MAML3: variants seen among roughly 807,000 people sequenced by gnomAD.
The protein encoded by MAML3 is mastermind-like protein 3.
Under a neutral mutation model 101.9 loss-of-function variants are expected in MAML3, and 27 were observed. That is an observed-to-expected ratio of 0.27 (90% CI 0.20 to 0.37). The LOEUF (loss-of-function observed/expected upper bound fraction) is 0.37. MAML3 is among the 10% of genes least tolerant of loss of function. The probability of loss-of-function intolerance (pLI) is 1.00; values close to 1 mark genes in which losing one functional copy is unlikely to be tolerated. For missense variants in MAML3, 1,316 were observed against 1,444.9 expected (o/e 0.91, Z 1.45); for synonymous variants, 501 against 555.9 (o/e 0.90, Z 1.39).
chr4:140,101,866 T>TA (rs1301395029), intron 1 of MAML3, among the ~76,000 whole-genome samples: 15 of 151,752 alleles, frequency 9.9e-5, no homozygotes, highest in African/African-American at 3.4e-4. Context: ...TTTTTTTTTT[T>TA]ACATTTGCCA....
In MAML3 at chr4:139,719,986, G is replaced by A; in HGVS notation, c.2754C>T (p.Ser918=). The change falls in exon 5 of 5, where the codon AGC becomes AGT. Residue 918 remains serine (S), a synonymous_variant. Transcript: ENST00000509479. ...GVGMVSGFGQ[S]MLVNSAITQQ... is the part of the protein sequence containing the mutation. ...GGGTAATGGCTGAGTTCACCAGCAT[G>A]CTCTGACCAAAGCCACTCACCATTC... The A allele has an allele frequency of 6.2e-7, 1 of 1,614,094 alleles. No individual in the cohort carries two copies. Among genetic ancestry groups the A allele is most frequent in the Non-Finnish European group, 8.5e-7 (1 of 1,179,908 alleles).
intron 1 of MAML3, among the ~76,000 whole-genome samples, chr4:140,102,359 T>C (rs1728268389): frequency 6.6e-6 from 1 of 152,214 alleles, no homozygotes; most frequent in South Asian, 2.1e-4. Flanking sequence ...CAGGGTGGCT[T>C]GAACAACAGA....
intron 1 of MAML3, among the ~76,000 whole-genome samples, chr4:140,003,358 C>T (rs1466443866): frequency 1.3e-5 from 2 of 151,976 alleles, no homozygotes; most frequent in African/African-American, 2.4e-5. Flanking sequence ...GAGAAAAGTA[C>T]CTAGTAAAAG....
At chr4:139,979,529 A>T (rs537666422) in intron 1 of MAML3, among the ~76,000 whole-genome samples, 2 of 152,338 alleles carry the variant, frequency 1.3e-5, no homozygotes, top group Non-Finnish European at 2.9e-5. Context: ...TACGGTTTGA[A>T]TGTGTCCCCT....
At chr4:139,796,297 A>C (rs997934446) in intron 2 of MAML3, among the ~76,000 whole-genome samples, 28 of 152,346 alleles carry the variant, frequency 1.8e-4, no homozygotes, top group Non-Finnish European at 2.9e-4. Flanking sequence ...TTTACACTTC[A>C]CATGTCTGAC....
chr4:139,992,650 C>T lies in MAML3; in HGVS notation c.469-101683G>A, dbSNP rs549635228. ...AAGTGATCCTTCTGCCTCAGCCTCT[C>T]GGGTTCAAGTGATCCTTCTGCCTCA... is the stretch of plus-strand genomic sequence containing the variant. On this transcript the variant is annotated intron_variant, in intron 1 of 4. Transcript: ENST00000509479. Among the ~76,000 whole-genome samples the T allele has an allele frequency of 8.5e-5, 13 of 152,130 alleles. No homozygotes were observed. The East Asian group carries it at 1.9e-3, about 23-fold the overall frequency.
intron 1 of MAML3, among the ~76,000 whole-genome samples, chr4:139,988,968 G>A (rs1402031347): frequency 6.6e-6 from 1 of 152,148 alleles, no homozygotes; most frequent in Non-Finnish European, 1.5e-5. Flanking sequence ...CAGCATCATT[G>A]ATGGAAGTGA....
intron 1 of MAML3, among the ~76,000 whole-genome samples, chr4:140,107,598 G>A (rs1450364880): frequency 1.1e-4 from 16 of 150,630 alleles, no homozygotes; most frequent in East Asian, 5.9e-4. Flanking sequence ...TCCGCCTCTC[G>A]AGTTCAAGCG....
intron 1 of MAML3, among the ~76,000 whole-genome samples, chr4:139,903,355 T>C (rs997492139): frequency 6.6e-6 from 1 of 152,170 alleles, no homozygotes; most frequent in African/African-American, 2.4e-5. Context: ...CCCAATATAA[T>C]AGCCTACTCC....
intron 1 of MAML3, among the ~76,000 whole-genome samples, chr4:139,924,328 G>A (rs940202772): frequency 3.9e-5 from 6 of 152,044 alleles, no homozygotes; most frequent in Non-Finnish European, 5.9e-5. Context: ...AAATGGACAG[G>A]GTATTCTTCT....
rs142935400 is a variant in MAML3, at chr4:140,037,034, G to A, written c.468+115826C>T. ...AGTTCCAAGGATCCCAGCTGACATC[G>A]CTGTGGCCCTGCTTGGGGGAAATAG... On this transcript the variant is annotated intron_variant, in intron 1 of 4. Transcript: ENST00000509479. Among the ~76,000 whole-genome samples, 151 of 152,020 alleles carry A rather than the reference G, an allele frequency of 9.9e-4. 1 individual carries two copies. Among genetic ancestry groups the A allele is most frequent in the Non-Finnish European group, 1.6e-3 (109 of 67,976 alleles).
At chr4:140,120,555 T>A (rs1728591479) in intron 1 of MAML3, among the ~76,000 whole-genome samples, 1 of 152,230 alleles carries the variant, frequency 6.6e-6, no homozygotes, top group Non-Finnish European at 1.5e-5. Context: ...TGCCTCCACA[T>A]TAATCTTTTG....
At chr4:139,746,626 A>C (rs901181201) in intron 2 of MAML3, among the ~76,000 whole-genome samples, 1 of 152,070 alleles carries the variant, frequency 6.6e-6, no homozygotes, top group Non-Finnish European at 1.5e-5. Context: ...CCTCGTTGCC[A>C]TGGTCTTTCC....
At chr4:140,102,735 TA>T (rs1728273497) in intron 1 of MAML3, among the ~76,000 whole-genome samples, 1 of 151,668 alleles carries the variant, frequency 6.6e-6, no homozygotes, top group South Asian at 2.1e-4. Flanking sequence ...AGAGCCAGGG[TA>T]GACACCCTGG....
At chr4:139,965,314 A>G (rs1470495343) in intron 1 of MAML3, among the ~76,000 whole-genome samples, 7 of 151,996 alleles carry the variant, frequency 4.6e-5, no homozygotes, top group Non-Finnish European at 5.9e-5. Context: ...ATTCTGTATG[A>G]ACTTGAGAGT....
At chr4:140,018,941 A>G (rs1433220805) in intron 1 of MAML3, among the ~76,000 whole-genome samples, 1 of 135,152 alleles carries the variant, frequency 7.4e-6, no homozygotes, top group African/African-American at 2.5e-5. Flanking sequence ...AATACTTAAA[A>G]ATAAATGAAG....
At chr4:139,923,618 T>TTGTGTG (rs3079902) in intron 1 of MAML3, among the ~76,000 whole-genome samples, 5,461 of 150,394 alleles carry the variant, frequency 0.036, 96 homozygotes, top group Middle Eastern at 0.041. Context: ...GGGGTAGTCT[T>TTGTGTG]TGTGTGTGTG....
At chr4:140,106,638 C>T (rs1368011014) in intron 1 of MAML3, among the ~76,000 whole-genome samples, 2 of 152,226 alleles carry the variant, frequency 1.3e-5, no homozygotes, top group East Asian at 1.9e-4. Flanking sequence ...GAGACTGCTA[C>T]ACACCAATAC....
chr4:139,912,024 A>G (rs1020190535), intron 1 of MAML3, among the ~76,000 whole-genome samples: 5 of 152,236 alleles, frequency 3.3e-5, no homozygotes, highest in Non-Finnish European at 7.3e-5. Context: ...GGGTATACAA[A>G]TATCTCTTGT....
Sources: allele counts gnomAD v4.1 joint callset (sites outside exome capture counted in the v4.1 genomes callset), GRCh38; gene constraint gnomAD v4.1.1; transcripts MANE v1.5; gene names NCBI Gene and HGNC (gene_info 2026-07-23, HGNC 2026-07-21).